The following SPATA6 variants were observed in gnomAD, a reference collection of about 807,000 sequenced individuals.
The protein encoded by SPATA6 is spermatogenesis associated 6.
SPATA6 carries 56 observed loss-of-function variants against 65.3 expected under a neutral mutation model. The ratio of observed to expected loss-of-function variants is 0.86; its 90% CI spans 0.69 to 1.07. The LOEUF (loss-of-function observed/expected upper bound fraction) is 1.07, where lower values mean the gene tolerates loss of function less well. SPATA6 is among the 50% of genes least tolerant of loss of function. The pLI, the probability that SPATA6 is intolerant of heterozygous loss-of-function variation, is 0.00. For missense variants in SPATA6, 590 were observed against 594.8 expected (o/e 0.99, Z 0.08); for synonymous variants, 199 against 213.2 (o/e 0.93, Z 0.58).
intron 3 of SPATA6, chr1:48,435,828 C>G: frequency 1.0e-6 from 1 of 958,604 alleles, no homozygotes; most frequent in Non-Finnish European, 1.6e-6. Flanking sequence ...CTGTCCGCAC[C>G]GCTGGCAGCC....
chr1:48,382,917 C>G (rs1476449717), intron 9 of SPATA6, among the ~76,000 whole-genome samples: 22 of 146,372 alleles, frequency 1.5e-4, no homozygotes, highest in Non-Finnish European at 2.2e-4. Flanking sequence ...CTGACCCCCC[C>G]ACCTCCCTCC....
intron 11 of SPATA6, among the ~76,000 whole-genome samples, chr1:48,328,525 G>C (rs183316827): frequency 1.7e-4 from 26 of 152,236 alleles, no homozygotes; most frequent in African/African-American, 5.3e-4. Context: ...TATATCATAT[G>C]ATTCAATTTA....
chr1:48,327,689 A>G (rs932796203), intron 11 of SPATA6, among the ~76,000 whole-genome samples: 1 of 152,278 alleles, frequency 6.6e-6, no homozygotes, highest in African/African-American at 2.4e-5. Flanking sequence ...AGATAGGCCA[A>G]TGTCCTAAAT....
the SPATA6 span, among the ~76,000 whole-genome samples, chr1:48,290,099 GA>G: frequency 6.6e-6 from 1 of 152,234 alleles, no homozygotes; most frequent in South Asian, 2.1e-4. Context: ...GGCAGCCAGA[GA>G]AAGGTTGGGT....
the SPATA6 span, among the ~76,000 whole-genome samples, chr1:48,280,935 T>A: frequency 1.3e-5 from 2 of 152,066 alleles, no homozygotes; most frequent in Non-Finnish European, 2.9e-5. Flanking sequence ...AAATCCTCAA[T>A]AAAATACTGG....
chr1:48,265,328 G>C, the SPATA6 span, among the ~76,000 whole-genome samples: 1 of 149,738 alleles, frequency 6.7e-6, no homozygotes, highest in Non-Finnish European at 1.5e-5. Context: ...TTCATTATAA[G>C]CAAATATCAA....
chr1:48,298,732 T>C lies in SPATA6; in HGVS notation c.1448A>G (p.His483Arg), dbSNP rs776274309. The change falls in exon 13 of 13, where the codon CAT becomes CGT. Residue 483 changes from histidine (H) to arginine (R), a missense_variant. Transcript: ENST00000371847. ...ATGGTCTCAGAAGCTTTCCTGTGTA[T>C]GTGAAGCAGAACTACAGGCCTTTTT... is the stretch of plus-strand genomic sequence containing the variant. Reference protein sequence around the residue: ...LYKKACSSASHTQESF With the variant: ...LYKKACSSASRTQESF 6 of 1,613,034 alleles carry C rather than the reference T, an allele frequency of 3.7e-6. No homozygotes were observed. The highest frequency in any genetic ancestry group is 1.3e-5 in the African/African-American group (1 of 74,870).
intron 9 of SPATA6, among the ~76,000 whole-genome samples, chr1:48,368,364 C>T (rs1250738432): frequency 6.6e-6 from 1 of 152,218 alleles, no homozygotes; most frequent in African/African-American, 2.4e-5. Flanking sequence ...TGGGGAATTT[C>T]TCCTGGATAA....
chr1:48,455,229 A>C (rs1227353242), intron 1 of SPATA6, among the ~76,000 whole-genome samples: 1 of 152,228 alleles, frequency 6.6e-6, no homozygotes, highest in African/African-American at 2.4e-5. Context: ...GAAGGGCTGT[A>C]AGTGTAAAAT....
the SPATA6 span, among the ~76,000 whole-genome samples, chr1:48,268,362 A>C: frequency 1.3e-5 from 2 of 151,944 alleles, no homozygotes; most frequent in Non-Finnish European, 2.9e-5. Context: ...CTGTATGTAC[A>C]TATGTAATCA....
At chr1:48,408,216 G>A (rs1030689235) in intron 5 of SPATA6, among the ~76,000 whole-genome samples, 1 of 151,976 alleles carries the variant, frequency 6.6e-6, no homozygotes, top group African/African-American at 2.4e-5. Context: ...CTCCTTATTC[G>A]GACTACTCTA....
chr1:48,353,818 T>C (rs1289578758), intron 11 of SPATA6, among the ~76,000 whole-genome samples: 2 of 151,862 alleles, frequency 1.3e-5, no homozygotes, highest in African/African-American at 4.8e-5. Flanking sequence ...AAAAGGCCTT[T>C]AGAAGACATA....
intron 11 of SPATA6, 33 bp downstream of exon 11, chr1:48,355,637 A>T: frequency 1.3e-6 from 2 of 1,505,584 alleles, no homozygotes; most frequent in Non-Finnish European, 1.8e-6. Flanking sequence ...ACCTATTATA[A>T]ATAGTCTTCA....
intron 11 of SPATA6, among the ~76,000 whole-genome samples, chr1:48,334,780 C>T (rs1401935726): frequency 1.3e-5 from 2 of 152,004 alleles, no homozygotes; most frequent in Non-Finnish European, 2.9e-5. Flanking sequence ...TAAGTCCTGG[C>T]CAGGGCAATC....
chr1:48,327,030 A>G (rs181472850), intron 11 of SPATA6, among the ~76,000 whole-genome samples: 1 of 152,290 alleles, frequency 6.6e-6, no homozygotes, highest in Admixed American at 6.5e-5. Context: ...GGTTCTGTAC[A>G]ACAAAATATA....
At chr1:48,434,715 T>C (rs1295464514) in intron 3 of SPATA6, among the ~76,000 whole-genome samples, 1 of 152,130 alleles carries the variant, frequency 6.6e-6, no homozygotes, top group Non-Finnish European at 1.5e-5. Flanking sequence ...TGTGTGTGTG[T>C]CTGTAGATGA....
chr1:48,270,811 C>G, the SPATA6 span, among the ~76,000 whole-genome samples: 3 of 151,834 alleles, frequency 2.0e-5, no homozygotes, highest in Non-Finnish European at 2.9e-5. Flanking sequence ...ATGTTATCCT[C>G]CATCAGGCTC....
chr1:48,471,828 C>G, intron 1 of SPATA6, 130 bp downstream of exon 1: 1 of 1,068,156 alleles, frequency 9.4e-7, no homozygotes, highest in Non-Finnish European at 1.4e-6. Flanking sequence ...ACCGAAGGGG[C>G]GTGAGGTCGA....
intron 11 of SPATA6, among the ~76,000 whole-genome samples, chr1:48,329,498 G>A (rs1241810314): frequency 4.6e-5 from 7 of 152,178 alleles, no homozygotes; most frequent in Non-Finnish European, 1.0e-4. Flanking sequence ...TTAAAACATA[G>A]GGGGACAAAT....
Sources: allele counts gnomAD v4.1 joint callset (sites outside exome capture counted in the v4.1 genomes callset), GRCh38; gene constraint gnomAD v4.1.1; transcripts MANE v1.5; gene names NCBI Gene and HGNC (gene_info 2026-07-23, HGNC 2026-07-21).